PACS1: variants seen among roughly 807,000 people sequenced by gnomAD.
The protein encoded by PACS1 is PACS-1.
PACS1 carries 24 observed loss-of-function variants against 115.0 expected under a neutral mutation model. The ratio of observed to expected loss-of-function variants is 0.21; its 90% confidence interval spans 0.15 to 0.29. PACS1 has a LOEUF of 0.29. Ranked by LOEUF, PACS1 falls within the 10% of genes least tolerant of loss-of-function variation. The pLI is 1.00. For missense variants in PACS1, 838 were observed against 1,251.2 expected (o/e 0.67, Z 4.98); for synonymous variants, 453 against 504.5 (o/e 0.90, Z 1.37).
In PACS1 at chr11:66,129,580, A is replaced by T. The variant is rs891256921; in HGVS notation, c.356+58738A>T. Among the ~76,000 whole-genome samples the T allele has an allele frequency of 5.3e-5, 8 of 151,842 alleles. No homozygotes were observed. In the South Asian group the frequency reaches 1.3e-3, roughly 24 times the overall value. ...ACCCTCAGCCTCCCAAAGTGTTGGGATAATGGTGTGAGCCACTGTGCTTGG... is the reference window on the plus strand; with the variant it reads ...ACCCTCAGCCTCCCAAAGTGTTGGGTTAATGGTGTGAGCCACTGTGCTTGG... On this transcript the variant is annotated intron_variant, in intron 1 of 23. Coordinates refer to ENST00000320580, the MANE Select transcript of PACS1 (RefSeq NM_018026.4).
At chr11:66,161,631 T>C (rs2134626102) in intron 1 of PACS1, among the ~76,000 whole-genome samples, 1 of 152,234 alleles carries the variant, frequency 6.6e-6, no homozygotes, top group East Asian at 1.9e-4. Context: ...AAGTAAAAGA[T>C]AAGAATGTCT....
intron 4 of PACS1, among the ~76,000 whole-genome samples, chr11:66,213,888 C>T (rs1409589715): frequency 6.6e-6 from 1 of 151,976 alleles, no homozygotes; most frequent in Non-Finnish European, 1.5e-5. Context: ...AAAAAATTAG[C>T]CGGGCATGGT....
chr11:66,230,190 G>C (rs1290850596), intron 11 of PACS1, among the ~76,000 whole-genome samples: 1 of 150,788 alleles, frequency 6.6e-6, no homozygotes, highest in Non-Finnish European at 1.5e-5. Flanking sequence ...GGCCCTCCCT[G>C]CTCTCCTAGA....
intron 1 of PACS1, among the ~76,000 whole-genome samples, chr11:66,174,017 A>C (rs886230026): frequency 6.6e-6 from 1 of 151,962 alleles, no homozygotes; most frequent in South Asian, 2.1e-4. Context: ...GTGCCATTGC[A>C]CTCCAGCTGG....
At chr11:66,201,176 G>A (rs914664311) in intron 2 of PACS1, among the ~76,000 whole-genome samples, 2 of 151,634 alleles carry the variant, frequency 1.3e-5, no homozygotes, top group South Asian at 2.1e-4. Flanking sequence ...CGGAGATTGC[G>A]CCACTGCACT....
At chr11:66,106,283 C>A (rs1048959154) in intron 1 of PACS1, among the ~76,000 whole-genome samples, 2 of 151,890 alleles carry the variant, frequency 1.3e-5, no homozygotes, top group Admixed American at 1.3e-4. Flanking sequence ...ATAAAAAATA[C>A]AAAAATGGCC....
intron 13 of PACS1, 149 bp downstream of exon 13, chr11:66,231,089 T>TA: frequency 3.0e-6 from 3 of 990,828 alleles, no homozygotes; most frequent in Non-Finnish European, 4.6e-6. Context: ...AAGACTAAAT[T>TA]AGAGAGGTCT....
chr11:66,191,673 T>G (rs1387838406), intron 1 of PACS1, among the ~76,000 whole-genome samples: 1 of 152,226 alleles, frequency 6.6e-6, no homozygotes, highest in Non-Finnish European at 1.5e-5. Flanking sequence ...TGATTCTAGC[T>G]TAAAGCAAAG....
rs898257778 is a variant in PACS1 at position 66,143,238 on chromosome 11, A to G, written c.357-50248A>G. Reference sequence around the variant, plus strand: ...CTACTTGTAATGGACTGCTGGCTTCAAGAGACTGAGTCTGGATTATTTAAA... The same window carrying G: ...CTACTTGTAATGGACTGCTGGCTTCGAGAGACTGAGTCTGGATTATTTAAA... On this transcript the variant is annotated intron_variant, in intron 1 of 23. Transcript: ENST00000320580. Among the ~76,000 whole-genome samples the G allele has an allele frequency of 1.7e-4, 26 of 152,316 alleles. 1 individual carries two copies. The highest frequency in any genetic ancestry group is 1.4e-3 in the Admixed American group (22 of 15,298).
intron 1 of PACS1, among the ~76,000 whole-genome samples, chr11:66,190,461 T>C (rs975635934): frequency 2.6e-5 from 4 of 152,206 alleles, no homozygotes; most frequent in African/African-American, 9.6e-5. Flanking sequence ...AGTCTCCCTC[T>C]GTCACCCAGG....
chr11:66,112,591 T>C (rs75587972), intron 1 of PACS1, among the ~76,000 whole-genome samples: 4,019 of 152,306 alleles, frequency 0.026, 167 homozygotes, highest in African/African-American at 0.091. Context: ...TCTGTCTCGT[T>C]CATGACTGAG....
At chr11:66,163,273 C>A (rs376018590) in intron 1 of PACS1, among the ~76,000 whole-genome samples, 147 of 148,644 alleles carry the variant, frequency 9.9e-4, no homozygotes, top group African/African-American at 3.3e-3. Flanking sequence ...ACTGCTTGAA[C>A]GAGGTGAGCA....
At chr11:66,181,838 G>A (rs373155676) in intron 1 of PACS1, among the ~76,000 whole-genome samples, 13 of 152,194 alleles carry the variant, frequency 8.5e-5, no homozygotes, top group African/African-American at 2.4e-4. Context: ...TGTACTAATG[G>A]GTTGTCATGA....
At chr11:66,221,105 C>A in intron 9 of PACS1, 49 bp from the exon 10 acceptor site, 1 of 1,534,302 alleles carries the variant, frequency 6.5e-7, no homozygotes. Context: ...TCCCAGCATG[C>A]TGTTCTGAGC....
chr11:66,173,116 A>G (rs1240289381), intron 1 of PACS1, among the ~76,000 whole-genome samples: 2 of 129,666 alleles, frequency 1.5e-5, no homozygotes, highest in African/African-American at 6.0e-5. Flanking sequence ...TTTTTTTTGT[A>G]GAGACAGGGT....
intron 1 of PACS1, among the ~76,000 whole-genome samples, chr11:66,118,928 G>A (rs1858378463): frequency 6.6e-6 from 1 of 152,180 alleles, no homozygotes; most frequent in Admixed American, 6.5e-5. Context: ...TTGTGACTGG[G>A]GAGATATAGA....
chr11:66,106,276 A>C (rs1858037395), intron 1 of PACS1, among the ~76,000 whole-genome samples: 1 of 152,164 alleles, frequency 6.6e-6, no homozygotes, highest in Non-Finnish European at 1.5e-5. Flanking sequence ...ATGAAAAATA[A>C]AAAATACAAA....
intron 2 of PACS1, among the ~76,000 whole-genome samples, chr11:66,200,502 C>T (rs1854763112): frequency 6.6e-6 from 1 of 151,572 alleles, no homozygotes; most frequent in African/African-American, 2.4e-5. Flanking sequence ...GTAGGAATAG[C>T]TATACTTATA....
chr11:66,119,786 G>A (rs1022636206), intron 1 of PACS1, among the ~76,000 whole-genome samples: 14 of 152,156 alleles, frequency 9.2e-5, no homozygotes, highest in Admixed American at 4.6e-4. Flanking sequence ...CAGGAAATGC[G>A]GGATCCACTC....
Sources: allele counts gnomAD v4.1 joint callset (sites outside exome capture counted in the v4.1 genomes callset), GRCh38; gene constraint gnomAD v4.1.1; transcripts MANE v1.5; gene names NCBI Gene and HGNC (gene_info 2026-07-23, HGNC 2026-07-21).